KHDRBS3: variants seen among roughly 807,000 people sequenced by gnomAD.
KHDRBS3 encodes the protein KH RNA binding domain containing, signal transduction associated 3, also known as KH domain-containing, RNA-binding, signal transduction-associated protein 3.
Under a neutral mutation model 45.6 loss-of-function variants are expected in KHDRBS3, and 23 were observed. The observed-to-expected ratio is 0.50, with a 90% CI of 0.36 to 0.72. The LOEUF (loss-of-function observed/expected upper bound fraction) is 0.72, where lower values mean the gene tolerates loss of function less well. Among genes scored for constraint, KHDRBS3 ranks in the 30% least tolerant of loss-of-function variants. The pLI is 0.00. For synonymous variants in KHDRBS3, 162 were observed against 156.5 expected, an observed-to-expected ratio of 1.04 and a Z score of -0.26; for missense variants, 352 against 424.8, an observed-to-expected ratio of 0.83 and a Z score of 1.51.
intron 1 of KHDRBS3, among the ~76,000 whole-genome samples, chr8:135,501,369 A>G (rs939343538): frequency 1.6e-4 from 25 of 152,340 alleles, no homozygotes; most frequent in African/African-American, 5.5e-4. Context: ...ACCAGTCATG[A>G]TATGGATCAT....
intron 1 of KHDRBS3, among the ~76,000 whole-genome samples, chr8:135,515,525 C>T (rs1307228919): frequency 6.6e-6 from 1 of 151,752 alleles, no homozygotes; most frequent in Non-Finnish European, 1.5e-5. Flanking sequence ...TGCCCAGAGG[C>T]TGATATGCAT....
In KHDRBS3 at chr8:135,572,395, G is replaced by A. The variant is rs530135906; in HGVS notation, c.612-9483G>A. 2.6e-5 allele frequency among the ~76,000 whole-genome samples: 4 copies of A among 152,202 alleles called. No individual in the cohort carries two copies. The South Asian group carries it at 6.2e-4, about 24-fold the overall frequency. On this transcript the variant is annotated intron_variant, in intron 5 of 8. Transcript: ENST00000355849. ...GAACCAGTTTGTAACTTGTTAAATT[G>A]TATCTTGTAAAGTGCCTTGGATTTC...
chr8:135,596,965 C>G (rs568477306), intron 6 of KHDRBS3, among the ~76,000 whole-genome samples: 1 of 152,314 alleles, frequency 6.6e-6, no homozygotes, highest in African/African-American at 2.4e-5. Flanking sequence ...TCCCAGCTCA[C>G]TTCACTTTTA....
chr8:135,502,594 T>G (rs1823786660), intron 1 of KHDRBS3, among the ~76,000 whole-genome samples: 1 of 152,208 alleles, frequency 6.6e-6, no homozygotes, highest in Non-Finnish European at 1.5e-5. Context: ...CTTTATTAAA[T>G]CTTATGTTTC....
chr8:135,572,098 G>C (rs1158452622), intron 5 of KHDRBS3, among the ~76,000 whole-genome samples: 1 of 152,174 alleles, frequency 6.6e-6, no homozygotes, highest in African/African-American at 2.4e-5. Flanking sequence ...TGTTTCCAGA[G>C]AGGAAGGAAT....
At chr8:135,487,929 T>C (rs1822946125) in intron 1 of KHDRBS3, among the ~76,000 whole-genome samples, 1 of 152,248 alleles carries the variant, frequency 6.6e-6, no homozygotes, top group Non-Finnish European at 1.5e-5. Flanking sequence ...TGATTAGATC[T>C]TGTTACACAG....
At chr8:135,564,261 A>G (rs908337531) in intron 5 of KHDRBS3, among the ~76,000 whole-genome samples, 12 of 152,194 alleles carry the variant, frequency 7.9e-5, no homozygotes, top group African/African-American at 2.7e-4. Context: ...AACAATAAAC[A>G]TTATCTGAAA....
chr8:135,539,973 T>G (rs898952280), intron 2 of KHDRBS3: 1 of 152,204 alleles, frequency 6.6e-6, no homozygotes, highest in Non-Finnish European at 1.5e-5. Context: ...GACTTCAGAT[T>G]CTTCTGTATA....
chr8:135,590,891 T>C (rs549890490), intron 6 of KHDRBS3, among the ~76,000 whole-genome samples: 1 of 152,338 alleles, frequency 6.6e-6, no homozygotes, highest in African/African-American at 2.4e-5. Flanking sequence ...ATCTCAATGT[T>C]GTGTAATCAA....
At chr8:135,531,039 T>G (rs1347569812) in intron 2 of KHDRBS3, among the ~76,000 whole-genome samples, 3 of 152,236 alleles carry the variant, frequency 2.0e-5, no homozygotes, top group Non-Finnish European at 4.4e-5. Flanking sequence ...GTTTCATGTT[T>G]ATGGGCTTCA....
intron 5 of KHDRBS3, among the ~76,000 whole-genome samples, chr8:135,568,073 C>A (rs934101116): frequency 1.9e-4 from 29 of 152,168 alleles, no homozygotes; most frequent in African/African-American, 6.3e-4. Context: ...GCGGTTACTG[C>A]CTTACTTGCC....
At position 135,525,668 on chromosome 8, in the gene KHDRBS3, G is replaced by A. The variant is rs1433681509; in HGVS notation, c.207+4313G>A. On this transcript the variant is annotated intron_variant, in intron 2 of 8. Coordinates refer to ENST00000355849, the MANE Select transcript of KHDRBS3 (RefSeq NM_006558.3). ...ATGTGTCTTGTAAACAGAAAATTAC[G>A]TTACAAACATTTCATAGACAGACTC... 3.9e-5 allele frequency among the ~76,000 whole-genome samples: 6 copies of A among 152,088 alleles called. No individual in the cohort carries two copies. In the South Asian group the frequency reaches 8.3e-4, roughly 21 times the overall value.
intron 4 of KHDRBS3, among the ~76,000 whole-genome samples, chr8:135,555,081 A>G (rs185818377): frequency 8.7e-4 from 132 of 152,250 alleles, no homozygotes; most frequent in East Asian, 5.2e-3. Flanking sequence ...CTTTCACCCA[A>G]ACTATTTCTG....
chr8:135,542,889 A>G, intron 3 of KHDRBS3, 119 bp downstream of exon 3: 1 of 689,464 alleles, frequency 1.5e-6, no homozygotes, highest in Non-Finnish European at 2.5e-6. Context: ...ACTGTTTAGA[A>G]AATTGAGTCA....
intron 1 of KHDRBS3, chr8:135,458,227 G>A: frequency 2.5e-6 from 3 of 1,220,022 alleles, no homozygotes; most frequent in East Asian, 4.4e-5. Flanking sequence ...CACACCCAGG[G>A]GAAACTTCTG....
chr8:135,485,842 T>TTATATATATATA (rs34886021), intron 1 of KHDRBS3, among the ~76,000 whole-genome samples: 1,434 of 120,208 alleles, frequency 0.012, 40 homozygotes, highest in African/African-American at 0.012. Flanking sequence ...CATTTCAAGT[T>TTATATATATATA]TATATATATA....
intron 7 of KHDRBS3, among the ~76,000 whole-genome samples, chr8:135,636,618 A>G (rs1830824802): frequency 6.6e-6 from 1 of 152,226 alleles, no homozygotes; most frequent in South Asian, 2.1e-4. Flanking sequence ...TGGGCTCGTG[A>G]TGGATCCAGC....
At chr8:135,512,189 T>A (rs1824322125) in intron 1 of KHDRBS3, among the ~76,000 whole-genome samples, 1 of 152,216 alleles carries the variant, frequency 6.6e-6, no homozygotes, top group South Asian at 2.1e-4. Flanking sequence ...AAATTCCTTT[T>A]CAGATTAGCA....
intron 1 of KHDRBS3, among the ~76,000 whole-genome samples, chr8:135,463,017 CTAAGA>C (rs540034361): frequency 6.3e-4 from 96 of 152,276 alleles, no homozygotes; most frequent in African/African-American, 2.2e-3. Context: ...CATTTCTGCC[CTAAGA>C]TAAGTCCTCT....
Sources: gnomAD v4.1 joint callset for allele counts (sites outside exome capture counted in the v4.1 genomes callset) on GRCh38, gnomAD v4.1.1 for gene constraint, MANE v1.5 for transcripts, NCBI Gene and HGNC (gene_info 2026-07-23, HGNC 2026-07-21) for gene names.